NAV2: variants seen among roughly 807,000 people sequenced by gnomAD.
NAV2 encodes neuron navigator 2.
Under a neutral mutation model 223.2 loss-of-function variants are expected in NAV2, and 54 were observed. The observed-to-expected ratio is 0.24, with a 90% CI of 0.19 to 0.30. The LOEUF is 0.30. Among genes scored for constraint, NAV2 ranks in the 10% least tolerant of loss-of-function variants. The pLI, the probability that NAV2 is intolerant of heterozygous loss-of-function variation, is 1.00. For synonymous variants in NAV2, 1,279 were observed against 1,239.3 expected (o/e 1.03, Z -0.67); for missense variants, 2,806 against 3,147.5 (o/e 0.89, Z 2.60).
chr11:19,490,621 A>G (rs1057296452), intron 1 of NAV2, among the ~76,000 whole-genome samples: 6 of 152,180 alleles, frequency 3.9e-5, no homozygotes, highest in Non-Finnish European at 8.8e-5. Flanking sequence ...TGCTATTTAC[A>G]CCACATCTAT....
At chr11:19,418,067 A>G (rs1850453088) in intron 1 of NAV2, among the ~76,000 whole-genome samples, 1 of 152,154 alleles carries the variant, frequency 6.6e-6, no homozygotes, top group South Asian at 2.1e-4. Flanking sequence ...GTGTATACCT[A>G]TGTAACAAAC....
At position 20,114,678 on chromosome 11, in the gene NAV2, G is replaced by A. The variant is rs765563181; in HGVS notation, c.7047G>A (p.Glu2349=). 1 of 1,614,208 alleles carries A rather than the reference G, an allele frequency of 6.2e-7. No individual in the cohort carries two copies. Among genetic ancestry groups the A allele is most frequent in the Admixed American group, 1.7e-5 (1 of 60,026 alleles). ...GGGCAGCCAGCCCACAACAGCACGA[G>A]TGGCCTCCCCTGCTGCAGTTACGGC... is the stretch of plus-strand genomic sequence containing the variant. The part of the protein sequence containing the change: ...YPWAASPQQH[E]WPPLLQLRPE... The change falls in exon 37 of 38, where the codon GAG becomes GAA. Residue 2349 remains glutamate (E), a synonymous_variant. Coordinates refer to ENST00000349880, the MANE Select transcript of NAV2 (RefSeq NM_145117.5).
chr11:20,091,298 G>C (rs1592100766), intron 27 of NAV2, among the ~76,000 whole-genome samples: 2 of 152,154 alleles, frequency 1.3e-5, no homozygotes, highest in East Asian at 1.9e-4. Flanking sequence ...AAGGCCTTCT[G>C]CAGGGTCGTT....
chr11:19,772,930 A>G (rs773448784), intron 1 of NAV2, among the ~76,000 whole-genome samples: 3 of 152,188 alleles, frequency 2.0e-5, no homozygotes, highest in Non-Finnish European at 4.4e-5. Context: ...CTGGACACAA[A>G]TTAGTTTATC....
chr11:20,106,229 A>ATG (rs2062088495), intron 35 of NAV2, among the ~76,000 whole-genome samples: 3 of 93,192 alleles, frequency 3.2e-5, no homozygotes, highest in Non-Finnish European at 6.2e-5. Context: ...ATATATATAT[A>ATG]TGCTTTATGA....
intron 1 of NAV2, among the ~76,000 whole-genome samples, chr11:19,593,862 G>A (rs1377944707): frequency 9.2e-5 from 14 of 152,042 alleles, no homozygotes; most frequent in Admixed American, 6.5e-4. Context: ...GTCTCTACAT[G>A]TCATTTACCC....
chr11:19,696,532 G>C (rs1225850052), intron 1 of NAV2, among the ~76,000 whole-genome samples: 1 of 152,220 alleles, frequency 6.6e-6, no homozygotes, highest in Non-Finnish European at 1.5e-5. Context: ...GCAGAGCTTA[G>C]TTCAGCTCAG....
intron 29 of NAV2, among the ~76,000 whole-genome samples, chr11:20,093,976 A>G (rs1411746005): frequency 1.3e-5 from 2 of 152,156 alleles, no homozygotes; most frequent in Non-Finnish European, 2.9e-5. Flanking sequence ...TTTCTAGCCA[A>G]CATGCTATTG....
chr11:19,470,798 G>C (rs16936804), intron 1 of NAV2, among the ~76,000 whole-genome samples: 3,484 of 152,232 alleles, frequency 0.023, 137 homozygotes, highest in African/African-American at 0.079. Flanking sequence ...CTACAGACTT[G>C]GATAAGGGGC....
chr11:19,571,927 G>A lies in NAV2; in HGVS notation c.75+220900G>A, dbSNP rs577716034. Among the ~76,000 whole-genome samples the A allele has an allele frequency of 1.1e-3, 175 of 152,288 alleles. 1 individual carries two copies. The highest frequency in any genetic ancestry group is 4.0e-3 in the African/African-American group (168 of 41,570). On this transcript the variant is annotated intron_variant, in intron 1 of 37. Coordinates refer to the NAV2 transcript ENST00000360655. The stretch of plus-strand genomic sequence containing the variant: ...ATAGGAAGTGCAGAGATGGGAGGAT[G>A]AAGAAGGAGAGGGGAGACTGTGGCA...
intron 20 of NAV2, among the ~76,000 whole-genome samples, chr11:20,063,922 T>C (rs533070445): frequency 6.6e-6 from 1 of 152,186 alleles, no homozygotes; most frequent in African/African-American, 2.4e-5. Context: ...TAGGCCTGTA[T>C]TGAGCAAACA....
At position 20,069,875 on chromosome 11, in the gene NAV2, C is replaced by G. The variant is rs1164629507; in HGVS notation, c.4983+1477C>G. 3.3e-5 allele frequency among the ~76,000 whole-genome samples: 5 copies of G among 152,148 alleles called. No individual in the cohort carries two copies. The South Asian group carries it at 6.2e-4, about 19-fold the overall frequency. On this transcript the variant is annotated intron_variant, in intron 22 of 37. Coordinates refer to ENST00000349880, the MANE Select transcript of NAV2 (RefSeq NM_145117.5). ...TGAGCCTTAGTTTACTCAAGGGAAC[C>G]ATTTCTCTTTAAGGTCGGCATGTGA... is the stretch of plus-strand genomic sequence containing the variant.
At chr11:19,949,704 C>A (rs141766065) in intron 10 of NAV2, among the ~76,000 whole-genome samples, 1 of 152,192 alleles carries the variant, frequency 6.6e-6, no homozygotes, top group South Asian at 2.1e-4. Context: ...TATCACTATT[C>A]GAAATTAGCC....
At chr11:20,048,695 G>T in intron 14 of NAV2, 33 bp from the exon 15 acceptor site, 1 of 1,591,350 alleles carries the variant, frequency 6.3e-7, no homozygotes, top group East Asian at 2.2e-5. Flanking sequence ...GGCACTGGGT[G>T]TTCAACCTAC....
At chr11:20,064,972 A>G (rs2058948885) in intron 20 of NAV2, among the ~76,000 whole-genome samples, 1 of 152,124 alleles carries the variant, frequency 6.6e-6, no homozygotes, top group Non-Finnish European at 1.5e-5. Context: ...CATGGAGTCA[A>G]AGGCTCCCAT....
Position 19,787,270 on chromosome 11 carries a change from CTTTTTTTTTTT to C in NAV2, c.268-45196_268-45186del, listed in dbSNP as rs757183666. Among the ~76,000 whole-genome samples, 50 of 55,002 alleles carry C rather than the reference CTTTTTTTTTTT, an allele frequency of 9.1e-4. 5 individuals carry two copies. In the South Asian group the frequency reaches 0.016, roughly 17 times the overall value. The allele number at this position is 55,002 out of a possible 152,430, so 36.1% of individuals were successfully genotyped here. ...CATGCCTGGCTAATTTTTATTGGAT[CTTTTTTTTTTT>C]TTTTTTTTTTTTTTTTTGGAGATGG... On this transcript the variant is annotated intron_variant, in intron 1 of 37. Transcript: ENST00000349880.
chr11:19,671,476 C>A (rs1347721022), intron 1 of NAV2, among the ~76,000 whole-genome samples: 2 of 152,220 alleles, frequency 1.3e-5, no homozygotes, highest in African/African-American at 2.4e-5. Flanking sequence ...CTGCTCCCAC[C>A]ACAGGTTGGC....
intron 11 of NAV2, chr11:20,027,457 A>G: frequency 1.0e-6 from 1 of 985,480 alleles, no homozygotes; most frequent in Non-Finnish European, 1.2e-6. Context: ...CAGAACTGGA[A>G]AATTGAGCAG....
chr11:19,423,856 G>T (rs193032907), intron 1 of NAV2, among the ~76,000 whole-genome samples: 2 of 152,098 alleles, frequency 1.3e-5, no homozygotes, highest in African/African-American at 4.8e-5. Flanking sequence ...TGCTTGGGAC[G>T]GGCCATCTGT....
Sources: allele counts gnomAD v4.1 joint callset (sites outside exome capture counted in the v4.1 genomes callset), GRCh38; gene constraint gnomAD v4.1.1; transcripts MANE v1.5; gene names NCBI Gene and HGNC (gene_info 2026-07-23, HGNC 2026-07-21).